The following MEP1A variants were observed in gnomAD, a reference collection of about 807,000 sequenced individuals.
MEP1A encodes the protein N-benzoyl-L-tyrosyl-P-amino-benzoic acid hydrolase subunit alpha.
In MEP1A, 68 loss-of-function variants were observed where a neutral mutation model predicts 84.5. The ratio of observed to expected loss-of-function variants is 0.80; its 90% CI spans 0.66 to 0.98. The LOEUF (loss-of-function observed/expected upper bound fraction) is 0.98, where lower values mean the gene tolerates loss of function less well. MEP1A is among the 50% of genes least tolerant of loss of function. The pLI, the probability that MEP1A is intolerant of heterozygous loss-of-function variation, is 0.00. For synonymous variants in MEP1A, 337 were observed against 336.8 expected, an observed-to-expected ratio of 1.00 and a Z score of -0.01; for missense variants, 887 against 919.9, an observed-to-expected ratio of 0.96 and a Z score of 0.46.
intron 7 of MEP1A, among the ~76,000 whole-genome samples, chr6:46,821,748 C>A (rs538361833): frequency 6.6e-6 from 1 of 152,234 alleles, no homozygotes; most frequent in South Asian, 2.1e-4. Context: ...TTGCCAGGGT[C>A]AAGTGCAGAC....
intron 10 of MEP1A, among the ~76,000 whole-genome samples, chr6:46,832,739 G>T (rs1214416711): frequency 1.3e-5 from 2 of 152,006 alleles, no homozygotes; most frequent in Non-Finnish European, 2.9e-5. Flanking sequence ...CTAACACTTG[G>T]GTTTTCTTTG....
chr6:46,839,760 A>T lies in MEP1A; in HGVS notation c.*624A>T, dbSNP rs1402240370. 2 of 152,212 alleles carry T rather than the reference A, an allele frequency of 1.3e-5. No homozygotes were observed. Among genetic ancestry groups the T allele is most frequent in the African/African-American group, 4.8e-5 (2 of 41,452 alleles). 9.4% of individuals were successfully genotyped at this position (152,212 alleles called of 1,614,324 possible). A position where few individuals can be genotyped will look rare whatever the true frequency, so the allele number is the denominator to read the frequency against. ...CTAAGAGAAGGCCTTTAATAAATTT[A>T]ATAAATATTGAGTTAGCACCTTCTT... On this transcript the variant is annotated 3_prime_UTR_variant, in exon 14 of 14. Transcript: ENST00000230588.
At chr6:46,837,614 TC>T (rs1212547699) in intron 13 of MEP1A, among the ~76,000 whole-genome samples, 1 of 152,192 alleles carries the variant, frequency 6.6e-6, no homozygotes, top group Non-Finnish European at 1.5e-5. Flanking sequence ...GCTTCATCCT[TC>T]CCAGGCTAAG....
chr6:46,841,962 TG>T (rs1768338732), downstream of MEP1A, among the ~76,000 whole-genome samples: 1 of 152,372 alleles, frequency 6.6e-6, no homozygotes, highest in Admixed American at 6.5e-5. Context: ...GAATATTTCA[TG>T]GACATTTATC....
chr6:46,845,888 T>C, the MEP1A span, among the ~76,000 whole-genome samples: 1 of 152,220 alleles, frequency 6.6e-6, no homozygotes, highest in Non-Finnish European at 1.5e-5. Flanking sequence ...GAGAAAGCCT[T>C]AATTAACACC....
chr6:46,801,424 C>A (rs932998546), intron 5 of MEP1A, among the ~76,000 whole-genome samples: 1 of 151,990 alleles, frequency 6.6e-6, no homozygotes, highest in Non-Finnish European at 1.5e-5. Context: ...TCTTCTTTTA[C>A]GAGGGTCTGT....
At chr6:46,834,176 G>T (rs1190178536) in intron 11 of MEP1A, among the ~76,000 whole-genome samples, 1 of 151,538 alleles carries the variant, frequency 6.6e-6, no homozygotes, top group Non-Finnish European at 1.5e-5. Context: ...ACCCGCTTTG[G>T]CCTCCCAAAG....
At chr6:46,823,225 TG>T (rs1187434929) in intron 7 of MEP1A, among the ~76,000 whole-genome samples, 4 of 152,348 alleles carry the variant, frequency 2.6e-5, no homozygotes, top group Non-Finnish European at 5.9e-5. Context: ...CTCAGGCACC[TG>T]CTGGAGCATC....
intron 7 of MEP1A, 59 bp downstream of exon 7, chr6:46,819,763 G>A: frequency 6.4e-7 from 1 of 1,552,450 alleles, no homozygotes; most frequent in Middle Eastern, 1.7e-4. Context: ...ATCCTGAGAT[G>A]ACCAAGCCAA....
At chr6:46,797,268 T>C (rs1400987324) in intron 3 of MEP1A, among the ~76,000 whole-genome samples, 2 of 152,226 alleles carry the variant, frequency 1.3e-5, no homozygotes, top group Non-Finnish European at 1.5e-5. Context: ...CAGAATGAAG[T>C]ACAATCCAGT....
chr6:46,838,987 T>G lies in MEP1A; in HGVS notation c.2092T>G (p.Ser698Ala). 6.2e-7 allele frequency: 1 copy of G among 1,612,430 alleles called. No individual in the cohort carries two copies. The highest frequency in any genetic ancestry group is 8.5e-7 in the Non-Finnish European group (1 of 1,178,866). Residue 698 changes from serine (S) to alanine (A), a missense_variant, in exon 14 of 14, where the codon TCT (serine) becomes GCT (alanine). Physicochemically the swap from Ser to Ala is moderately conservative, Grantham distance 99. Transcript: ENST00000230588. ...CATGTCCTTTTCCCTCAGGTGCATC[T>G]CTGGACATGCTTTCTTCTACACGGG... The part of the protein sequence containing the change: ...VKGMASCRCI[S>A]GHAFFYTGER...
chr6:46,834,423 TTTTTTA>T (rs1273214448), intron 11 of MEP1A, among the ~76,000 whole-genome samples, 149 bp from the exon 12 acceptor site: 1 of 148,204 alleles, frequency 6.7e-6, no homozygotes, highest in Non-Finnish European at 1.5e-5. Context: ...TTCCAACACT[TTTTTTA>T]TTTTTATATT....
intron 7 of MEP1A, among the ~76,000 whole-genome samples, chr6:46,824,802 TAA>T (rs1435824021): frequency 1.6e-5 from 2 of 125,156 alleles, no homozygotes; most frequent in African/African-American, 6.3e-5. Context: ...TAAATATATA[TAA>T]ATGATGTATT....
At chr6:46,799,637 G>C (rs2150740128) in intron 5 of MEP1A, among the ~76,000 whole-genome samples, 1 of 151,924 alleles carries the variant, frequency 6.6e-6, no homozygotes, top group South Asian at 2.1e-4. Context: ...CTTTTTTCTT[G>C]GTGTTATTAA....
Position 46,799,135 on chromosome 6 carries a change from C to T in MEP1A, c.216C>T (p.Asn72=), listed in dbSNP as rs908111963. ...QKSRNGLRDP[N]TRWTFPIPYI... is the part of the protein sequence containing the mutation. ...CCAGAAATGGCCTGAGAGACCCAAA[C>T]ACCAGGTGGACGTTCCCCATTCCTT... Residue 72 remains asparagine (N), a synonymous_variant, in exon 5 of 14, where the codon AAC becomes AAT. Transcript: ENST00000230588. The T allele has an allele frequency of 7.4e-6, 12 of 1,613,356 alleles. No homozygotes were observed. In the Admixed American group the frequency reaches 2.0e-4, roughly 27 times the overall value.
At chr6:46,815,490 A>C (rs1020742733) in intron 6 of MEP1A, among the ~76,000 whole-genome samples, 44 of 152,300 alleles carry the variant, frequency 2.9e-4, no homozygotes, top group African/African-American at 9.9e-4. Context: ...TCTGGTGACC[A>C]AGGTTGAGAA....
intron 6 of MEP1A, among the ~76,000 whole-genome samples, chr6:46,816,883 G>A (rs910894449): frequency 6.6e-6 from 1 of 152,170 alleles, no homozygotes; most frequent in African/African-American, 2.4e-5. Flanking sequence ...GCAAGAGCCA[G>A]GAAGGTGAGC....
chr6:46,801,286 G>C (rs952787017), intron 5 of MEP1A, among the ~76,000 whole-genome samples: 11 of 151,980 alleles, frequency 7.2e-5, no homozygotes, highest in Non-Finnish European at 1.5e-4. Flanking sequence ...AATATTGATA[G>C]CATTAATCTT....
chr6:46,809,662 C>T, intron 6 of MEP1A, 125 bp downstream of exon 6: 1 of 622,080 alleles, frequency 1.6e-6, no homozygotes, highest in Non-Finnish European at 2.9e-6. Flanking sequence ...ACTTAGCTCC[C>T]ACATATGAGT....
Sources: allele counts gnomAD v4.1 joint callset (sites outside exome capture counted in the v4.1 genomes callset), GRCh38; gene constraint gnomAD v4.1.1; transcripts MANE v1.5; gene names NCBI Gene and HGNC (gene_info 2026-07-23, HGNC 2026-07-21).